Variants in SNX24 observed in about 807,000 individuals in gnomAD.
The protein encoded by SNX24 is sorting nexin-24.
A neutral mutation model predicts 28.7 loss-of-function variants in SNX24; 22 were observed. The observed-to-expected ratio is 0.77, with a 90% CI of 0.55 to 1.10. SNX24 has a LOEUF of 1.10. Among genes scored for constraint, SNX24 ranks in the 50% least tolerant of loss-of-function variants. The pLI is 0.00. For synonymous variants in SNX24, 69 were observed against 71.5 expected (o/e 0.96, Z 0.18); for missense variants, 221 against 201.1 (o/e 1.10, Z -0.60).
intron 5 of SNX24, among the ~76,000 whole-genome samples, chr5:123,014,943 A>G (rs542544485): frequency 3.9e-5 from 6 of 152,162 alleles, no homozygotes; most frequent in Non-Finnish European, 4.4e-5. Context: ...CCCATTAGGT[A>G]TCAGCTTAAA....
At chr5:122,933,758 G>A (rs193029289) in intron 1 of SNX24, among the ~76,000 whole-genome samples, 46 of 152,018 alleles carry the variant, frequency 3.0e-4, no homozygotes, top group East Asian at 2.7e-3. Flanking sequence ...TTTTCAATAG[G>A]AGTGAAAACA....
At chr5:123,000,097 T>G in intron 4 of SNX24, 91 bp downstream of exon 4, 1 of 883,758 alleles carries the variant, frequency 1.1e-6, no homozygotes, top group Admixed American at 1.8e-5. Context: ...GATGCCCGAG[T>G]AGCCTGCCGG....
chr5:122,873,650 T>C (rs923649199), intron 1 of SNX24, among the ~76,000 whole-genome samples: 8 of 152,176 alleles, frequency 5.3e-5, no homozygotes, highest in Non-Finnish European at 1.2e-4. Flanking sequence ...GAATGGTTTT[T>C]GAAGGCCTGA....
At chr5:122,851,556 C>T (rs1031827228) in intron 1 of SNX24, among the ~76,000 whole-genome samples, 2 of 152,282 alleles carry the variant, frequency 1.3e-5, no homozygotes, top group Admixed American at 1.3e-4. Context: ...ATGTGTTATG[C>T]GTAGACATAT....
intron 1 of SNX24, among the ~76,000 whole-genome samples, chr5:122,931,162 C>T (rs1273806614): frequency 2.6e-5 from 4 of 152,132 alleles, no homozygotes; most frequent in African/African-American, 9.6e-5. Context: ...ACGCTTCTTC[C>T]CCCCTACCCA....
downstream of SNX24, among the ~76,000 whole-genome samples, chr5:123,012,341 G>A (rs191213328): frequency 8.8e-4 from 134 of 152,290 alleles, no homozygotes; most frequent in Middle Eastern, 3.4e-3. Context: ...GGATAAAAAG[G>A]AAATTCTGAC....
intron 4 of SNX24, among the ~76,000 whole-genome samples, chr5:123,000,967 CTGT>C (rs1440842060): frequency 1.3e-5 from 2 of 152,238 alleles, no homozygotes; most frequent in African/African-American, 4.8e-5. Flanking sequence ...CTCATGAGCA[CTGT>C]TTACTCAGAG....
intron 1 of SNX24, among the ~76,000 whole-genome samples, chr5:122,869,387 G>A (rs1037478842): frequency 6.6e-6 from 1 of 152,172 alleles, no homozygotes; most frequent in Admixed American, 6.5e-5. Context: ...GATTTCTGAC[G>A]TTGATTCAGA....
At chr5:123,001,696 T>C (rs1010360286) in intron 5 of SNX24, among the ~76,000 whole-genome samples, 5 of 152,172 alleles carry the variant, frequency 3.3e-5, no homozygotes, top group Non-Finnish European at 5.9e-5. Flanking sequence ...GGAAATCACG[T>C]TTCAGCAATG....
At chr5:122,884,254 T>TTC (rs1201477810) in intron 1 of SNX24, among the ~76,000 whole-genome samples, 14 of 141,196 alleles carry the variant, frequency 9.9e-5, no homozygotes, top group African/African-American at 2.1e-4. Context: ...TCTTTTTCTT[T>TTC]TTTTTTTTTT....
chr5:122,897,268 G>C (rs1436317224), intron 1 of SNX24, among the ~76,000 whole-genome samples: 1 of 152,062 alleles, frequency 6.6e-6, no homozygotes, highest in Admixed American at 6.5e-5. Context: ...TTTTAAAACA[G>C]AGTTCCCAAC....
chr5:122,973,178 C>A (rs1472549394), intron 3 of SNX24, among the ~76,000 whole-genome samples: 1 of 152,226 alleles, frequency 6.6e-6, no homozygotes, highest in Non-Finnish European at 1.5e-5. Context: ...CATACCTCTT[C>A]CCCAGATTTC....
chr5:122,860,804 G>A (rs552290096), intron 1 of SNX24, among the ~76,000 whole-genome samples: 1 of 152,042 alleles, frequency 6.6e-6, no homozygotes, highest in Admixed American at 6.5e-5. Context: ...CACTGTGTTA[G>A]CCAGGATGGT....
intron 2 of SNX24, among the ~76,000 whole-genome samples, chr5:122,944,832 A>G (rs917482812): frequency 6.6e-6 from 1 of 152,162 alleles, no homozygotes; most frequent in Non-Finnish European, 1.5e-5. Flanking sequence ...GTTTAATTGT[A>G]TGAATTTTCT....
intron 1 of SNX24, among the ~76,000 whole-genome samples, chr5:122,861,142 C>T (rs1468989080): frequency 6.6e-6 from 1 of 151,862 alleles, no homozygotes; most frequent in African/African-American, 2.4e-5. Context: ...GAGTTTGAGA[C>T]CAGCCTGGCG....
chr5:122,965,449 G>A (rs772112267), intron 3 of SNX24: 36 of 455,536 alleles, frequency 7.9e-5, no homozygotes, highest in Non-Finnish European at 1.0e-4. Flanking sequence ...CAAGAGAAAT[G>A]TGGGTGCTTA....
chr5:122,880,301 C>A (rs561168379), intron 1 of SNX24, among the ~76,000 whole-genome samples: 2 of 152,102 alleles, frequency 1.3e-5, no homozygotes, highest in Non-Finnish European at 2.9e-5. Flanking sequence ...TAATTGCATC[C>A]CACATTTGAA....
intron 5 of SNX24, among the ~76,000 whole-genome samples, chr5:123,021,838 C>T (rs1015844457): frequency 1.3e-5 from 2 of 152,070 alleles, no homozygotes; most frequent in African/African-American, 4.8e-5. Flanking sequence ...TCTCTTCTGC[C>T]CTGGAATTCA....
chr5:122,932,082 AACC>A (rs1758981249), intron 1 of SNX24, among the ~76,000 whole-genome samples: 1 of 152,222 alleles, frequency 6.6e-6, no homozygotes, highest in Admixed American at 6.5e-5. Flanking sequence ...ATGTAATAAA[AACC>A]ACACTTGGGG....
Sources: allele counts gnomAD v4.1 joint callset (sites outside exome capture counted in the v4.1 genomes callset), GRCh38; gene constraint gnomAD v4.1.1; transcripts MANE v1.5; gene names NCBI Gene and HGNC (gene_info 2026-07-23, HGNC 2026-07-21).